Variants in SGK2 observed in about 807,000 individuals in gnomAD.
SGK2 encodes the protein serum/glucocorticoid regulated kinase 2.
In SGK2, 36 loss-of-function variants were observed where a neutral mutation model predicts 47.5. That is an observed-to-expected ratio of 0.76 (90% CI 0.58 to 1.00). The LOEUF is 1.00. SGK2 is among the 50% of genes least tolerant of loss of function. The pLI is 0.00. For missense variants in SGK2, 404 were observed against 467.4 expected, an observed-to-expected ratio of 0.86 and a Z score of 1.25; for synonymous variants, 157 against 181.9, an observed-to-expected ratio of 0.86 and a Z score of 1.10.
At chr20:43,582,343 C>G (rs1407213398) in intron 12 of SGK2, among the ~76,000 whole-genome samples, 1 of 152,084 alleles carries the variant, frequency 6.6e-6, no homozygotes, top group Non-Finnish European at 1.5e-5. Flanking sequence ...AGGTGTGAGC[C>G]ACCACACCTG....
chr20:43,568,714 G>T (rs867045934), intron 5 of SGK2, among the ~76,000 whole-genome samples: 7 of 150,486 alleles, frequency 4.7e-5, no homozygotes, highest in Non-Finnish European at 8.9e-5. Context: ...CAAGAGATCC[G>T]CTGGCCTCAG....
intron 1 of SGK2, among the ~76,000 whole-genome samples, chr20:43,561,319 G>A (rs1403656678): frequency 6.6e-6 from 1 of 151,814 alleles, no homozygotes; most frequent in East Asian, 1.9e-4. Context: ...GGGAGTGGAA[G>A]CCAAGGAGGA....
At chr20:43,567,022 A>G (rs1568661753) in intron 2 of SGK2, 46 bp from the exon 3 acceptor site, 1 of 1,515,610 alleles carries the variant, frequency 6.6e-7, no homozygotes, top group Admixed American at 1.7e-5. Flanking sequence ...AAAGGGAGGT[A>G]GCCAAGGAGT....
chr20:43,576,956 A>G (rs183903298), intron 11 of SGK2, among the ~76,000 whole-genome samples: 1 of 152,326 alleles, frequency 6.6e-6, no homozygotes, highest in Admixed American at 6.5e-5. Flanking sequence ...AACAAAAACA[A>G]AAAAAGTTTG....
chr20:43,569,785 A>C, intron 6 of SGK2: 1 of 424,786 alleles, frequency 2.4e-6, no homozygotes, highest in Non-Finnish European at 4.4e-6. Flanking sequence ...TTGCCCATAG[A>C]CGCACTTTGA....
chr20:43,580,727 CAAAA>C (rs764803627), intron 12 of SGK2, among the ~76,000 whole-genome samples: 3 of 68,732 alleles, frequency 4.4e-5, no homozygotes, highest in Non-Finnish European at 5.3e-5. Flanking sequence ...GACTTCATCT[CAAAA>C]AAAAAAAAAA....
At position 43,574,954 on chromosome 20, in the gene SGK2, G is replaced by C. The variant is rs777560138; in HGVS notation, c.643G>C (p.Val215Leu). The change falls in exon 10 of 13, where the codon GTG (valine) becomes CTG (leucine). Residue 215 changes from valine to leucine, a missense_variant. Coordinates refer to ENST00000373100, the MANE Select transcript of SGK2 (RefSeq NM_170693.3). ...VLRKEPYDRA[V>L]DWWCLGAVLY... ...TCGGAAAGAGCCTTATGATCGAGCA[G>C]TGGACTGGTGGTGCTTGGGGGCAGT... The C allele has an allele frequency of 3.7e-6, 6 of 1,613,840 alleles. No homozygotes were observed. The South Asian group carries it at 6.6e-5, about 18-fold the overall frequency.
At chr20:43,560,370 A>G (rs900614075) in intron 1 of SGK2, among the ~76,000 whole-genome samples, 1 of 151,994 alleles carries the variant, frequency 6.6e-6, no homozygotes, top group Non-Finnish European at 1.5e-5. Flanking sequence ...GTCGTGACAC[A>G]TGCCCGTAAT....
At chr20:43,568,834 G>A (rs552094451) in intron 5 of SGK2, among the ~76,000 whole-genome samples, 1 of 152,272 alleles carries the variant, frequency 6.6e-6, no homozygotes, top group Admixed American at 6.5e-5. Context: ...TCCATTAGTA[G>A]GCCAGAGCAG....
intron 12 of SGK2, chr20:43,583,102 C>T: frequency 9.1e-7 from 1 of 1,099,532 alleles, no homozygotes; most frequent in East Asian, 5.9e-5. Flanking sequence ...TCAAACACTG[C>T]CAATGTTAAT....
chr20:43,583,507 CTG>C (rs1980922135), intron 12 of SGK2: 6 of 1,150,820 alleles, frequency 5.2e-6, no homozygotes, highest in African/African-American at 4.9e-5. Flanking sequence ...AAGCTAGAAA[CTG>C]TGATCTGTTT....
intron 5 of SGK2, 128 bp downstream of exon 5, chr20:43,568,127 G>A: frequency 1.4e-6 from 1 of 690,698 alleles, no homozygotes; most frequent in East Asian, 2.7e-5. Context: ...ACAACAAAGG[G>A]TAGAGGGGAG....
chr20:43,566,094 G>A (rs528722922), intron 1 of SGK2: 26 of 440,758 alleles, frequency 5.9e-5, no homozygotes, highest in African/African-American at 4.3e-4. Context: ...TGTGAAATGG[G>A]GGATGGGTTC....
chr20:43,573,724 C>G (rs1980297541), intron 9 of SGK2, among the ~76,000 whole-genome samples: 1 of 152,144 alleles, frequency 6.6e-6, no homozygotes, highest in Admixed American at 6.5e-5. Context: ...CACTTTAGTT[C>G]TAGGGTAGCT....
intron 12 of SGK2, chr20:43,583,486 G>A (rs929978099): frequency 2.6e-6 from 3 of 1,157,802 alleles, no homozygotes; most frequent in Non-Finnish European, 2.2e-6. Flanking sequence ...TTGTCTTGTA[G>A]CCTTATTGAG....
At chr20:43,568,559 T>C (rs1367763132) in intron 5 of SGK2, among the ~76,000 whole-genome samples, 2 of 152,172 alleles carry the variant, frequency 1.3e-5, no homozygotes, top group Non-Finnish European at 2.9e-5. Context: ...CTCAGCTCAC[T>C]GCAACCTCCG....
intron 1 of SGK2, among the ~76,000 whole-genome samples, chr20:43,560,948 G>C (rs1043717248): frequency 2.0e-5 from 3 of 152,196 alleles, no homozygotes; most frequent in Non-Finnish European, 4.4e-5. Flanking sequence ...ACGTGATAAG[G>C]CATCAGTGCT....
chr20:43,567,750 C>T, intron 4 of SGK2, 28 bp downstream of exon 4: 2 of 1,612,064 alleles, frequency 1.2e-6, no homozygotes, highest in Non-Finnish European at 1.7e-6. Flanking sequence ...GGTGGGAAGC[C>T]TGGGTCTTCC....
chr20:43,562,439 A>G (rs1269625744), intron 1 of SGK2, among the ~76,000 whole-genome samples: 1 of 150,846 alleles, frequency 6.6e-6, no homozygotes, highest in Non-Finnish European at 1.5e-5. Context: ...AAAAAAAAAA[A>G]AAAAAGATTG....
Sources: gnomAD v4.1 joint callset for allele counts (sites outside exome capture counted in the v4.1 genomes callset) on GRCh38, gnomAD v4.1.1 for gene constraint, MANE v1.5 for transcripts, NCBI Gene and HGNC (gene_info 2026-07-23, HGNC 2026-07-21) for gene names.